The following NCKAP5L variants were observed in gnomAD, a reference collection of about 807,000 sequenced individuals.
NCKAP5L encodes the protein nck-associated protein 5-like.
NCKAP5L carries 54 observed loss-of-function variants against 103.2 expected under a neutral mutation model. The observed-to-expected ratio is 0.52, with a 90% CI of 0.42 to 0.66. NCKAP5L has a LOEUF of 0.66. NCKAP5L is among the 30% of genes least tolerant of loss of function. The pLI, the probability that NCKAP5L is intolerant of heterozygous loss-of-function variation, is 0.00. For synonymous variants in NCKAP5L, 762 were observed against 748.6 expected, an observed-to-expected ratio of 1.02 and a Z score of -0.29; for missense variants, 1,733 against 1,750.6, an observed-to-expected ratio of 0.99 and a Z score of 0.18.
chr12:49,816,435 A>G (rs1946296723), intron 1 of NCKAP5L, among the ~76,000 whole-genome samples: 1 of 135,892 alleles, frequency 7.4e-6, no homozygotes, highest in African/African-American at 2.8e-5. Flanking sequence ...AACCATACTG[A>G]GGGTGAGGAA....
intron 6 of NCKAP5L, among the ~76,000 whole-genome samples, chr12:49,800,252 T>C (rs1361745188): frequency 6.6e-6 from 1 of 152,216 alleles, no homozygotes; most frequent in Non-Finnish European, 1.5e-5. Flanking sequence ...TCCATCCTTC[T>C]CTGATGGCCT....
At chr12:49,808,459 T>C (rs1946204615) in intron 1 of NCKAP5L, among the ~76,000 whole-genome samples, 1 of 152,052 alleles carries the variant, frequency 6.6e-6, no homozygotes, top group Non-Finnish European at 1.5e-5. Flanking sequence ...AGCTTGGTGG[T>C]GGGGAGGAGC....
At position 49,791,702 on chromosome 12, in the gene NCKAP5L, C is replaced by T. The variant is rs1945936476; in HGVS notation, c.*137G>A. On this transcript the variant is annotated 3_prime_UTR_variant, in exon 13 of 13. Coordinates refer to ENST00000335999, the MANE Select transcript of NCKAP5L (RefSeq NM_001037806.4). ...GTGGGTGGTGGGGTGTGCCAGGGAC[C>T]CCCTTTTCACCTTCTTATCCACCTG... 1.4e-6 allele frequency: 1 copy of T among 701,838 alleles called. No individual in the cohort carries two copies. Among genetic ancestry groups the T allele is most frequent in the African/African-American group, 1.8e-5 (1 of 55,294 alleles). The allele number at this position is 701,838 out of a possible 1,614,324, so 43.5% of individuals were successfully genotyped here. A position where few individuals can be genotyped will look rare whatever the true frequency, so the allele number is the denominator to read the frequency against.
In NCKAP5L at chr12:49,791,742, TC is replaced by T; in HGVS notation, c.*96del. Reference sequence around the variant, plus strand: ...TTATCCACCTGCCTCCTTGGTCCCTTCAGGGAGGGGTCCCCGTCTCCGGGGG... The same window carrying T: ...TTATCCACCTGCCTCCTTGGTCCCTTAGGGAGGGGTCCCCGTCTCCGGGGG... On this transcript the variant is annotated 3_prime_UTR_variant, in exon 13 of 13. Coordinates refer to ENST00000335999, the MANE Select transcript of NCKAP5L (RefSeq NM_001037806.4). 1 of 1,159,726 alleles carries T rather than the reference TC, an allele frequency of 8.6e-7. No individual in the cohort carries two copies. The highest frequency in any genetic ancestry group is 1.2e-6 in the Non-Finnish European group (1 of 839,574). 71.8% of individuals were successfully genotyped at this position (1,159,726 alleles called of 1,614,324 possible).
intron 1 of NCKAP5L, among the ~76,000 whole-genome samples, chr12:49,816,706 A>C (rs1946301854): frequency 6.6e-6 from 1 of 151,788 alleles, no homozygotes; most frequent in African/African-American, 2.4e-5. Context: ...CTGAGGCAGA[A>C]GAATTGCTTG....
chr12:49,816,567 A>G, intron 1 of NCKAP5L, among the ~76,000 whole-genome samples: 1 of 149,976 alleles, frequency 6.7e-6, no homozygotes, highest in Non-Finnish European at 1.5e-5. Flanking sequence ...TGGGAGGCCA[A>G]GGTGGGTGGA....
At chr12:49,826,915 C>T (rs1946422841) in intron 1 of NCKAP5L, among the ~76,000 whole-genome samples, 1 of 152,168 alleles carries the variant, frequency 6.6e-6, no homozygotes, top group African/African-American at 2.4e-5. Context: ...ACAAAGCCAC[C>T]TCATGCACAG....
chr12:49,818,088 C>T (rs529874794), intron 1 of NCKAP5L, among the ~76,000 whole-genome samples: 7 of 151,268 alleles, frequency 4.6e-5, no homozygotes, highest in South Asian at 2.1e-4. Flanking sequence ...GCCGAGATCG[C>T]GCTGCTGCAC....
In NCKAP5L at chr12:49,791,675, CAGTG is replaced by C. The variant is rs1945936176; in HGVS notation, c.*160_*163del. Reference sequence around the variant, plus strand: ...AGCACGGTCATCTCATCCGCCGAAGCAGTGGGTGGTGGGGTGTGCCAGGGACCCC... The same window carrying C: ...AGCACGGTCATCTCATCCGCCGAAGCGGTGGTGGGGTGTGCCAGGGACCCC... On this transcript the variant is annotated 3_prime_UTR_variant, in exon 13 of 13. Transcript: ENST00000335999. 1.7e-6 allele frequency: 1 copy of C among 582,314 alleles called. No homozygotes were observed. 36.1% of individuals were successfully genotyped at this position (582,314 alleles called of 1,614,324 possible).
chr12:49,792,505 A>T lies in NCKAP5L; in HGVS notation c.3733T>A (p.Ser1245Thr), dbSNP rs921167469. The T allele has an allele frequency of 4.3e-6, 7 of 1,613,456 alleles. No individual in the cohort carries two copies. The highest frequency in any genetic ancestry group is 5.1e-6 in the Non-Finnish European group (6 of 1,179,652). The change falls in exon 12 of 13, where the codon TCC (serine) becomes ACC (threonine). Residue 1245 changes from serine (S) to threonine (T), a missense_variant. Ser to Thr is a moderately conservative substitution (Grantham distance 58). Coordinates refer to ENST00000335999, the MANE Select transcript of NCKAP5L (RefSeq NM_001037806.4). The surrounding 1 kb of genome is among the most constrained non-coding windows in gnomAD (Gnocchi z 4.5). ...GGTGGGCACATGAGAGGGTCCGAGG[A>T]GCTGCCGGCTGCCCTAGTATTGGGG... is the stretch of plus-strand genomic sequence containing the variant. ...TFPNTRAAGS[S>T]SDPLMCPPRQ...
At chr12:49,807,675 C>T (rs1393829532) in intron 1 of NCKAP5L, among the ~76,000 whole-genome samples, 1 of 152,212 alleles carries the variant, frequency 6.6e-6, no homozygotes, top group Non-Finnish European at 1.5e-5. Context: ...TTCCTTCCCA[C>T]ACTCAAATGG....
At chr12:49,809,306 T>TC (rs1307867383) in intron 1 of NCKAP5L, among the ~76,000 whole-genome samples, 2 of 152,066 alleles carry the variant, frequency 1.3e-5, no homozygotes, top group African/African-American at 4.8e-5. Context: ...GCAAGACCCC[T>TC]CCCTGAACAG....
intron 6 of NCKAP5L, among the ~76,000 whole-genome samples, chr12:49,800,938 C>T (rs1452921088): frequency 6.6e-6 from 1 of 152,238 alleles, no homozygotes; most frequent in Non-Finnish European, 1.5e-5. Flanking sequence ...GTGAACCCTG[C>T]CACAGGGACA....
At position 49,791,832 on chromosome 12, in the gene NCKAP5L, C is replaced by T; in HGVS notation, c.*7G>A. On this transcript the variant is annotated 3_prime_UTR_variant, in exon 13 of 13. Coordinates refer to ENST00000335999, the MANE Select transcript of NCKAP5L (RefSeq NM_001037806.4). ...GCTCCAGCGGGGCCGTGGCGTGGCG[C>T]AGCCCCTCAGCCCTGACTCCCACAA... 6.3e-7 allele frequency: 1 copy of T among 1,581,338 alleles called. No individual in the cohort carries two copies. The highest frequency in any genetic ancestry group is 1.3e-5 in the African/African-American group (1 of 74,190).
rs545925984 is a variant in NCKAP5L, at chr12:49,795,485, C to T, written c.2375G>A (p.Arg792His). The change falls in exon 8 of 13, where the codon CGT becomes CAT. Residue 792 changes from arginine (R) to histidine (H), a missense_variant. By Grantham distance (29) the Arg-to-His change is conservative (BLOSUM62 0). Coordinates refer to ENST00000335999, the MANE Select transcript of NCKAP5L (RefSeq NM_001037806.4). Reference protein sequence around the residue: ...LAGALCPQVPRTPAKVPTSAP... With the variant: ...LAGALCPQVPHTPAKVPTSAP... ...TGAGGTTGGCACTTTGGCAGGGGTA[C>T]GGGGTACCTGGGGGCACAGGGCCCC... 1.4e-5 allele frequency: 22 copies of T among 1,540,666 alleles called. No homozygotes were observed. The East Asian group carries it at 2.7e-4, about 19-fold the overall frequency.
chr12:49,791,846 T>G lies in NCKAP5L; in HGVS notation c.3998A>C (p.Gln1333Pro). 1 of 1,602,960 alleles carries G rather than the reference T, an allele frequency of 6.2e-7. No homozygotes were observed. The highest frequency in any genetic ancestry group is 8.5e-7 in the Non-Finnish European group (1 of 1,173,854). Residue 1333 changes from glutamine (Q) to proline (P), a missense_variant, in exon 13 of 13, where the codon CAG becomes CCG. By Grantham distance (76) the Gln-to-Pro change is moderately conservative (BLOSUM62 -1). Coordinates refer to ENST00000335999, the MANE Select transcript of NCKAP5L (RefSeq NM_001037806.4). ...LYDSLSSCGS[Q>P]G is the part of the protein sequence containing the mutation. ...GTGGCGTGGCGCAGCCCCTCAGCCC[T>G]GACTCCCACAAGAGGACAGCGAGTC...
Position 49,792,702 on chromosome 12 carries a change from G to T in NCKAP5L, c.3625C>A (p.Arg1209=). ...PALLPAAPGH[R]GHETCPDDPC... ...CCATCAGGACAGGTCTCATGGCCCC[G>T]GTGGCCCGGAGCAGCGGGTAGCAGT... The change falls in exon 11 of 13, where the codon CGG becomes AGG. Residue 1209 remains arginine (R), a synonymous_variant. Coordinates refer to ENST00000335999, the MANE Select transcript of NCKAP5L (RefSeq NM_001037806.4). The surrounding 1 kb of genome is among the most constrained non-coding windows in gnomAD (Gnocchi z 4.5). 6.2e-7 allele frequency: 1 copy of T among 1,611,632 alleles called. No homozygotes were observed. Among genetic ancestry groups the T allele is most frequent in the South Asian group, 1.1e-5 (1 of 90,818 alleles).
intron 1 of NCKAP5L, among the ~76,000 whole-genome samples, chr12:49,822,023 G>A (rs529130888): frequency 1.3e-5 from 2 of 152,286 alleles, no homozygotes; most frequent in African/African-American, 4.8e-5. Flanking sequence ...ATTGTGGGGC[G>A]GCGGGGCGGT....
chr12:49,795,067 C>G lies in NCKAP5L; in HGVS notation c.2793G>C (p.Leu931=). ...TCTTGGTGGCCTCTGTGCGGCGGTT[C>G]AGCGCTGGCAGCTTGCTCTTCTTAA... The part of the protein sequence containing the change: ...FGLKKSKLPA[L]NRRTEATKNK... Residue 931 remains leucine (L), a synonymous_variant, in exon 8 of 13, where the codon CTG becomes CTC. Coordinates refer to ENST00000335999, the MANE Select transcript of NCKAP5L (RefSeq NM_001037806.4). 6.2e-7 allele frequency: 1 copy of G among 1,611,504 alleles called. No homozygotes were observed. Among genetic ancestry groups the G allele is most frequent in the East Asian group, 2.2e-5 (1 of 44,842 alleles).
Sources: gnomAD v4.1 joint callset for allele counts (sites outside exome capture counted in the v4.1 genomes callset) on GRCh38, gnomAD v4.1.1 for gene constraint, Gnocchi (gnomAD v3.1) non-coding constraint, MANE v1.5 for transcripts, NCBI Gene and HGNC (gene_info 2026-07-23, HGNC 2026-07-21) for gene names.